The following CCND2 variants were observed in gnomAD, a reference collection of about 807,000 sequenced individuals.
CCND2 encodes the protein cyclin D2.
In CCND2, 6 loss-of-function variants were observed where a neutral mutation model predicts 30.2. The ratio of observed to expected loss-of-function variants is 0.20; its 90% CI spans 0.11 to 0.39. CCND2 has a LOEUF of 0.39. Ranked by LOEUF, CCND2 falls within the 10% of genes least tolerant of loss-of-function variation. The pLI is 1.00. For synonymous variants in CCND2, 150 were observed against 153.1 expected (o/e 0.98, Z 0.15); for missense variants, 235 against 373.4 (o/e 0.63, Z 3.06).
chr12:4,287,433 A>G lies in CCND2; in HGVS notation c.572-1409A>G, dbSNP rs894440190. 2.6e-5 allele frequency among the ~76,000 whole-genome samples: 4 copies of G among 152,260 alleles called. No individual in the cohort carries two copies. The South Asian group carries it at 8.3e-4, about 32-fold the overall frequency. ...ACCTGATTGTTTTTGCTGTAAGTTG[A>G]AGGGTGACCCACGGTTCCCTGTATG... On this transcript the variant is annotated intron_variant, in intron 3 of 4. Coordinates refer to ENST00000261254, the MANE Select transcript of CCND2 (RefSeq NM_001759.4). This position sits in a 1 kb window ranked among gnomAD's most constrained non-coding sequence, Gnocchi z 4.0.
rs919298504 is a variant in CCND2, at chr12:4,291,309, G to A, written c.720+2319G>A. On this transcript the variant is annotated intron_variant, in intron 4 of 4. Coordinates refer to ENST00000261254, the MANE Select transcript of CCND2 (RefSeq NM_001759.4). ...TCTCTGAAAAGCTGACGCTCAGAGGGAAGAAAAATAAAAGGACTAGAATTT... is the reference window on the plus strand; with the variant it reads ...TCTCTGAAAAGCTGACGCTCAGAGGAAAGAAAAATAAAAGGACTAGAATTT... Among the ~76,000 whole-genome samples, 9 of 151,756 alleles carry A rather than the reference G, an allele frequency of 5.9e-5. 1 individual carries two copies. Among genetic ancestry groups the A allele is most frequent in the Admixed American group, 5.9e-4 (9 of 15,194 alleles).
intron 4 of CCND2, among the ~76,000 whole-genome samples, chr12:4,291,214 T>TGTGTGTGTGTGTGTGTGTGC (rs1864096791): frequency 1.4e-5 from 2 of 146,278 alleles, no homozygotes; most frequent in Non-Finnish European, 3.1e-5. Flanking sequence ...AGGCTGTGTG[T>TGTGTGTGTGTGTGTGTGTGC]GTGTGTGTGT....
Sources: allele counts gnomAD v4.1 joint callset (sites outside exome capture counted in the v4.1 genomes callset), GRCh38; gene constraint gnomAD v4.1.1; non-coding constraint Gnocchi (gnomAD v3.1); transcripts MANE v1.5; gene names NCBI Gene and HGNC (gene_info 2026-07-23, HGNC 2026-07-21).